Variants in DAB1 observed in about 807,000 individuals in gnomAD.
The protein encoded by DAB1 is DAB adaptor protein 1, also known as disabled homolog 1.
A neutral mutation model predicts 64.6 loss-of-function variants in DAB1; 15 were observed. The observed-to-expected ratio is 0.23, with a 90% confidence interval of 0.16 to 0.36. The LOEUF is 0.36. Ranked by LOEUF, DAB1 falls within the 10% of genes least tolerant of loss-of-function variation. DAB1 has a pLI of 1.00. For missense variants in DAB1, 596 were observed against 706.7 expected (o/e 0.84, Z 1.78); for synonymous variants, 235 against 251.9 (o/e 0.93, Z 0.64).
chr1:57,390,803 C>A (rs2101000108), intron 1 of DAB1, among the ~76,000 whole-genome samples: 1 of 152,314 alleles, frequency 6.6e-6, no homozygotes, highest in Non-Finnish European at 1.5e-5. Context: ...CTTCTCCCAA[C>A]TTCCTGCTTA....
At chr1:57,070,227 C>T (rs981441540) in intron 7 of DAB1, among the ~76,000 whole-genome samples, 3 of 152,234 alleles carry the variant, frequency 2.0e-5, no homozygotes, top group Non-Finnish European at 4.4e-5. Flanking sequence ...CACACACACA[C>T]ATGCACACAC....
At chr1:57,077,311 C>A (rs1255062319) in intron 4 of DAB1, among the ~76,000 whole-genome samples, 6 of 152,164 alleles carry the variant, frequency 3.9e-5, no homozygotes, top group Non-Finnish European at 7.3e-5. Flanking sequence ...AGATCCATGT[C>A]TGGTTCTTCT....
chr1:58,296,185 GAGAAAGAAAGAGAA>G (rs1391446953), intron 4 of DAB1, among the ~76,000 whole-genome samples: 226 of 108,116 alleles, frequency 2.1e-3, no homozygotes, highest in Middle Eastern at 5.2e-3. Context: ...AAGAAAGAAA[GAGAAAGAAAGAGAA>G]AGAAAGAAAG....
At chr1:58,018,860 A>G (rs992841210) in intron 5 of DAB1, among the ~76,000 whole-genome samples, 2 of 152,236 alleles carry the variant, frequency 1.3e-5, no homozygotes, top group African/African-American at 4.8e-5. Context: ...TGAATAAAAA[A>G]GGAAAAAGAA....
At chr1:58,528,703 T>C (rs1646388233) in intron 1 of DAB1, among the ~76,000 whole-genome samples, 1 of 152,180 alleles carries the variant, frequency 6.6e-6, no homozygotes, top group South Asian at 2.1e-4. Flanking sequence ...GCTTTAAATG[T>C]GTCATTCGGT....
intron 1 of DAB1, among the ~76,000 whole-genome samples, chr1:57,323,433 A>C (rs545901587): frequency 1.2e-4 from 19 of 152,316 alleles, no homozygotes; most frequent in Admixed American, 5.2e-4. Context: ...AAGAAAAAAA[A>C]CAAAATCAAC....
At chr1:57,156,912 AAGCAGCAGAAG>A (rs1660276805) in intron 2 of DAB1, among the ~76,000 whole-genome samples, 1 of 152,230 alleles carries the variant, frequency 6.6e-6, no homozygotes, top group Non-Finnish European at 1.5e-5. Flanking sequence ...CTCAAAGCAG[AAGCAGCAGAAG>A]TCTCTGCCAA....
intron 4 of DAB1, among the ~76,000 whole-genome samples, chr1:58,321,344 C>A (rs141979033): frequency 6.6e-6 from 1 of 152,208 alleles, no homozygotes; most frequent in Non-Finnish European, 1.5e-5. Flanking sequence ...CCAAGGTGAT[C>A]GACGCAGAAG....
intron 4 of DAB1, among the ~76,000 whole-genome samples, chr1:58,171,116 A>G (rs1656150570): frequency 6.6e-6 from 1 of 151,938 alleles, no homozygotes; most frequent in South Asian, 2.1e-4. Context: ...CTTATTAGGA[A>G]GGGATATATC....
At chr1:58,460,275 CAGT>C (rs1645230629) in intron 3 of DAB1, among the ~76,000 whole-genome samples, 1 of 152,104 alleles carries the variant, frequency 6.6e-6, no homozygotes, top group Admixed American at 6.5e-5. Context: ...AAAATGGCAC[CAGT>C]AGGACATATC....
intron 4 of DAB1, among the ~76,000 whole-genome samples, chr1:57,123,109 C>T (rs778734114): frequency 6.6e-6 from 1 of 152,034 alleles, no homozygotes; most frequent in Non-Finnish European, 1.5e-5. Context: ...TAAAGATTGT[C>T]AAGTTTTCTC....
intron 2 of DAB1, among the ~76,000 whole-genome samples, chr1:58,510,524 A>C (rs534395111): frequency 7.2e-5 from 11 of 152,298 alleles, no homozygotes; most frequent in African/African-American, 2.6e-4. Flanking sequence ...ATCACACTTC[A>C]TGGTGAAAAA....
At chr1:58,204,023 A>C (rs1372226181) in intron 4 of DAB1, among the ~76,000 whole-genome samples, 1 of 152,224 alleles carries the variant, frequency 6.6e-6, no homozygotes, top group Non-Finnish European at 1.5e-5. Flanking sequence ...TATCTAACTG[A>C]ACTAAGGACT....
intron 5 of DAB1, among the ~76,000 whole-genome samples, chr1:58,017,475 G>A (rs1307150226): frequency 6.6e-6 from 1 of 152,172 alleles, no homozygotes; most frequent in African/African-American, 2.4e-5. Context: ...GACCCAAGCA[G>A]AGCTGAAATG....
chr1:57,578,921 A>T (rs975654318), intron 7 of DAB1, among the ~76,000 whole-genome samples: 1 of 152,188 alleles, frequency 6.6e-6, no homozygotes. Flanking sequence ...CTGCTGAATC[A>T]TTGCCTGAAT....
At chr1:58,026,190 A>G (rs1482509764) in intron 5 of DAB1, among the ~76,000 whole-genome samples, 2 of 152,222 alleles carry the variant, frequency 1.3e-5, no homozygotes, top group East Asian at 3.8e-4. Context: ...GAATTGATGC[A>G]GGCTGATATT....
intron 8 of DAB1, among the ~76,000 whole-genome samples, chr1:57,065,360 A>G (rs1352454217): frequency 2.0e-5 from 3 of 152,228 alleles, no homozygotes; most frequent in Non-Finnish European, 4.4e-5. Context: ...GATGGTGAAC[A>G]TGATGGATAT....
chr1:57,060,031 T>C (rs1650217725), intron 9 of DAB1, among the ~76,000 whole-genome samples: 1 of 152,238 alleles, frequency 6.6e-6, no homozygotes, highest in Non-Finnish European at 1.5e-5. Context: ...GTGCATTTCC[T>C]TAATGATTAT....
intron 6 of DAB1, among the ~76,000 whole-genome samples, chr1:57,775,213 C>T (rs914038465): frequency 6.6e-6 from 1 of 150,910 alleles, no homozygotes; most frequent in Non-Finnish European, 1.5e-5. Flanking sequence ...TTCCAAGAAC[C>T]AATTTTTGGT....
Sources: allele counts gnomAD v4.1 joint callset (sites outside exome capture counted in the v4.1 genomes callset), GRCh38; gene constraint gnomAD v4.1.1; transcripts MANE v1.5; gene names NCBI Gene and HGNC (gene_info 2026-07-23, HGNC 2026-07-21).